Variants in GRIK1 observed in about 807,000 individuals in gnomAD.
GRIK1 encodes the protein glutamate receptor ionotropic, kainate 1.
A neutral mutation model predicts 105.7 loss-of-function variants in GRIK1; 69 were observed. The ratio of observed to expected loss-of-function variants is 0.65; its 90% CI spans 0.54 to 0.80. The LOEUF (loss-of-function observed/expected upper bound fraction) is 0.80. Ranked by LOEUF, GRIK1 falls within the 30% of genes least tolerant of loss-of-function variation. The pLI is 0.00. For missense variants in GRIK1, 1,109 were observed against 1,167.3 expected, an observed-to-expected ratio of 0.95 and a Z score of 0.73; for synonymous variants, 438 against 431.3, an observed-to-expected ratio of 1.02 and a Z score of -0.19.
intron 1 of GRIK1, among the ~76,000 whole-genome samples, chr21:29,711,218 A>AT (rs1046952941): frequency 6.6e-6 from 1 of 152,148 alleles, no homozygotes; most frequent in African/African-American, 2.4e-5. Context: ...GACTGTATAT[A>AT]TGAAGGTTAT....
At chr21:29,857,288 C>T (rs2068491729) in intron 1 of GRIK1, among the ~76,000 whole-genome samples, 1 of 152,160 alleles carries the variant, frequency 6.6e-6, no homozygotes, top group South Asian at 2.1e-4. Flanking sequence ...AGCTGGGATG[C>T]CCACAATGGA....
intron 1 of GRIK1, among the ~76,000 whole-genome samples, chr21:29,873,766 C>T (rs1202630338): frequency 6.6e-6 from 1 of 152,160 alleles, no homozygotes; most frequent in African/African-American, 2.4e-5. Context: ...AGATTTTATC[C>T]TGTAAAAAAT....
intron 1 of GRIK1, among the ~76,000 whole-genome samples, chr21:29,801,876 CTTTTT>C (rs1225864032): frequency 6.6e-6 from 1 of 151,520 alleles, no homozygotes; most frequent in African/African-American, 2.4e-5. Flanking sequence ...TTTTTCTTTT[CTTTTT>C]TTCTTTTGTA....
chr21:29,724,345 T>C (rs1307908754), intron 1 of GRIK1, among the ~76,000 whole-genome samples: 3 of 57,782 alleles, frequency 5.2e-5, no homozygotes, highest in Non-Finnish European at 6.9e-5. Context: ...GTCAGGTGTC[T>C]GAGATACGAT....
rs1230324214 is a variant in GRIK1, at chr21:29,939,841, C to T, written c.-341G>A. 1 of 224,370 alleles carries T rather than the reference C, an allele frequency of 4.5e-6. No homozygotes were observed. Among genetic ancestry groups the T allele is most frequent in the Non-Finnish European group, 8.7e-6 (1 of 114,870 alleles). The allele number at this position is 224,370 out of a possible 1,614,324, so 13.9% of individuals were successfully genotyped here. ...GCTGCCCCGATCTGCAGGAACGTCT[C>T]CCTCATTCGTCCTTTGGTCAGATGC... On this transcript the variant is annotated 5_prime_UTR_variant, in exon 1 of 18. Coordinates refer to ENST00000327783, the MANE Select transcript of GRIK1 (RefSeq NM_001330994.2).
chr21:29,612,524 A>C (rs181806713), intron 7 of GRIK1, among the ~76,000 whole-genome samples: 47 of 152,278 alleles, frequency 3.1e-4, no homozygotes, highest in African/African-American at 1.1e-3. Flanking sequence ...TATGCCCTAC[A>C]TTCTCTTCCC....
chr21:29,778,938 T>C (rs542645243), intron 1 of GRIK1, among the ~76,000 whole-genome samples: 2 of 152,322 alleles, frequency 1.3e-5, no homozygotes, highest in South Asian at 2.1e-4. Flanking sequence ...ATTATACTAA[T>C]TCAAAATGAT....
chr21:29,844,976 G>A (rs1176199828), intron 1 of GRIK1, among the ~76,000 whole-genome samples: 1 of 152,058 alleles, frequency 6.6e-6, no homozygotes, highest in East Asian at 1.9e-4. Flanking sequence ...TTATAAGACT[G>A]TCCACTGTTT....
In GRIK1 at chr21:29,587,376, CA is replaced by C. The variant is rs1288875009; in HGVS notation, c.1782del (p.Phe594LeufsTer2). ...GATTCTCAAACTTACCTTGCAATCA[CA>C]AAGAGTACACAGCTGACTCCCAAGC... ...LACLGVSCVL[F>X]VIARFTPYEW... On this transcript the variant is annotated frameshift_variant, in exon 12 of 18. Coordinates refer to ENST00000327783, the MANE Select transcript of GRIK1 (RefSeq NM_001330994.2). LOFTEE classifies it high-confidence loss of function. 2 of 1,604,022 alleles carry C rather than the reference CA, an allele frequency of 1.2e-6. No individual in the cohort carries two copies. Among genetic ancestry groups the C allele is most frequent in the African/African-American group, 2.7e-5 (2 of 74,678 alleles).
At chr21:29,845,360 G>A (rs2146020127) in intron 1 of GRIK1, among the ~76,000 whole-genome samples, 1 of 152,084 alleles carries the variant, frequency 6.6e-6, no homozygotes, top group South Asian at 2.1e-4. Flanking sequence ...CATATTTATG[G>A]TCATTTGAAA....
intron 1 of GRIK1, among the ~76,000 whole-genome samples, chr21:29,732,891 T>G (rs564702125): frequency 6.6e-6 from 1 of 152,340 alleles, no homozygotes; most frequent in East Asian, 1.9e-4. Flanking sequence ...CAGCAATATC[T>G]GTGGTTAATT....
Position 29,811,336 on chromosome 21 carries a change from G to A in GRIK1, c.119-117273C>T, listed in dbSNP as rs183944787. Among the ~76,000 whole-genome samples the A allele has an allele frequency of 1.2e-4, 19 of 152,128 alleles. No homozygotes were observed. In the East Asian group the frequency reaches 2.5e-3, roughly 20 times the overall value. Reference sequence around the variant, plus strand: ...GTGTGCACTCTGTCCGTAATAACTCGTTAATGAGCATATTGATATTTATGC... The same window carrying A: ...GTGTGCACTCTGTCCGTAATAACTCATTAATGAGCATATTGATATTTATGC... On this transcript the variant is annotated intron_variant, in intron 1 of 17. Coordinates refer to ENST00000327783, the MANE Select transcript of GRIK1 (RefSeq NM_001330994.2).
In GRIK1 at chr21:29,845,822, T is replaced by C. The variant is rs559070838; in HGVS notation, c.118+93561A>G. On this transcript the variant is annotated intron_variant, in intron 1 of 17. Transcript: ENST00000327783. The stretch of plus-strand genomic sequence containing the variant: ...TAGTAGTTTGTTGAAGAATTGGGTG[T>C]GGAGGGGAAGCAAAGTAGGAAGTGA... Among the ~76,000 whole-genome samples, 19 of 152,240 alleles carry C rather than the reference T, an allele frequency of 1.2e-4. No homozygotes were observed. The South Asian group carries it at 3.9e-3, about 32-fold the overall frequency.
chr21:29,537,909 AC>A (rs765887579), intron 16 of GRIK1, 25 bp from the exon 17 acceptor site: 25 of 1,060,542 alleles, frequency 2.4e-5, no homozygotes, highest in Admixed American at 4.1e-5. Flanking sequence ...AGAAAAAAAA[AC>A]AATTTTAAAT....
rs562462734 is a variant in GRIK1 at position 29,842,041 on chromosome 21, G to A, written c.118+97342C>T. Among the ~76,000 whole-genome samples, 180 of 152,136 alleles carry A rather than the reference G, an allele frequency of 1.2e-3. 1 individual carries two copies. Among genetic ancestry groups the A allele is most frequent in the African/African-American group, 3.9e-3 (161 of 41,544 alleles). ...TATTACAGAATATTCTAAATCTCTA[G>A]ATGATCCCTTTTTTCTATGTGCTTT... On this transcript the variant is annotated intron_variant, in intron 1 of 17. Transcript: ENST00000327783.
chr21:29,743,689 C>T (rs1022399126), intron 1 of GRIK1, among the ~76,000 whole-genome samples: 2 of 151,486 alleles, frequency 1.3e-5, no homozygotes, highest in Non-Finnish European at 2.9e-5. Context: ...AGTGAGACTC[C>T]ATCTCAGAAA....
At chr21:29,729,733 A>T (rs1185291324) in intron 1 of GRIK1, among the ~76,000 whole-genome samples, 1 of 152,140 alleles carries the variant, frequency 6.6e-6, no homozygotes, top group East Asian at 1.9e-4. Flanking sequence ...GGTATTTTTC[A>T]TGTCTGTAAC....
rs921823697 is a variant in GRIK1, at chr21:29,939,437, G to A, written c.64C>T (p.Leu22Phe). Residue 22 changes from leucine (L) to phenylalanine (F), a missense_variant, in exon 1 of 18, where the codon CTC becomes TTC. Coordinates refer to ENST00000327783, the MANE Select transcript of GRIK1 (RefSeq NM_001330994.2). ...LWTRDTSWAL[L>F]YFLCYILPQT... ...GGGAGGATATAGCAGAGGAAATAGA[G>A]GAGTGCCCAGCTGGTGTCCCTGGTC... 3 of 1,595,750 alleles carry A rather than the reference G, an allele frequency of 1.9e-6. No individual in the cohort carries two copies. Among genetic ancestry groups the A allele is most frequent in the Admixed American group, 1.7e-5 (1 of 58,358 alleles).
intron 1 of GRIK1, among the ~76,000 whole-genome samples, chr21:29,896,490 T>A (rs547780238): frequency 6.6e-6 from 1 of 152,198 alleles, no homozygotes; most frequent in Non-Finnish European, 1.5e-5. Context: ...ATATCCCCAG[T>A]ATCTAGGACA....
Sources: gnomAD v4.1 joint callset for allele counts (sites outside exome capture counted in the v4.1 genomes callset) on GRCh38, gnomAD v4.1.1 for gene constraint, MANE v1.5 for transcripts, NCBI Gene and HGNC (gene_info 2026-07-23, HGNC 2026-07-21) for gene names.